The following ZNF721 variants were observed in gnomAD, a reference collection of about 807,000 sequenced individuals.
ZNF721 encodes zinc finger protein 721.
Under a neutral mutation model 2.4 loss-of-function variants are expected in ZNF721, and 2 were observed. The observed-to-expected ratio is 0.82, with a 90% CI of 0.34 to 2.58. ZNF721 has a LOEUF of 2.58. Among genes scored for constraint, ZNF721 ranks in the 30% most tolerant of loss-of-function variants. ZNF721 has a pLI of 0.11. For synonymous variants in ZNF721, 398 were observed against 381.8 expected, an observed-to-expected ratio of 1.04 and a Z score of -0.50; for missense variants, 1,187 against 1,085.5, an observed-to-expected ratio of 1.09 and a Z score of -1.31.
At chr4:494,893 ATTTT>A (rs34855684) in intron 1 of ZNF721, among the ~76,000 whole-genome samples, 1 of 139,382 alleles carries the variant, frequency 7.2e-6, no homozygotes. Context: ...CAGTGCACTT[ATTTT>A]TTTTTTTTTT....
At chr4:472,827 T>C (rs879977845) in intron 1 of ZNF721, 126 bp from the exon 2 acceptor site, 21 of 1,303,536 alleles carry the variant, frequency 1.6e-5, no homozygotes, top group Non-Finnish European at 1.9e-5. Context: ...AACACAGTAA[T>C]GTTCTCTAAA....
At chr4:493,313 AAC>A (rs1716072241) in intron 1 of ZNF721, among the ~76,000 whole-genome samples, 1 of 152,238 alleles carries the variant, frequency 6.6e-6, no homozygotes, top group Non-Finnish European at 1.5e-5. Context: ...CAAAGATGGT[AAC>A]AGTCCTTTCT....
intron 1 of ZNF721, among the ~76,000 whole-genome samples, chr4:475,747 T>C (rs1220688333): frequency 6.7e-6 from 1 of 149,744 alleles, no homozygotes; most frequent in Non-Finnish European, 1.5e-5. Flanking sequence ...TTAGTCCCAA[T>C]ATAGCTTCAA....
intron 1 of ZNF721, among the ~76,000 whole-genome samples, chr4:493,926 G>A (rs1040984220): frequency 1.3e-5 from 2 of 152,104 alleles, no homozygotes; most frequent in African/African-American, 4.8e-5. Flanking sequence ...ATGTCTGCTG[G>A]TAATTCTTAA....
chr4:448,028 A>G (rs879964999), intron 2 of ZNF721, among the ~76,000 whole-genome samples: 3 of 152,198 alleles, frequency 2.0e-5, no homozygotes, highest in Non-Finnish European at 2.9e-5. Flanking sequence ...ATTCATAAGG[A>G]AACAGGAGAC....
chr4:488,656 C>T (rs1312359868), intron 1 of ZNF721, among the ~76,000 whole-genome samples: 2 of 151,974 alleles, frequency 1.3e-5, no homozygotes, highest in Non-Finnish European at 2.9e-5. Flanking sequence ...ACTGTGAAAC[C>T]GCATCTCTAC....
chr4:488,312 G>T (rs1335079180), intron 1 of ZNF721, among the ~76,000 whole-genome samples: 1 of 152,160 alleles, frequency 6.6e-6, no homozygotes, highest in African/African-American at 2.4e-5. Flanking sequence ...GGTACATGTG[G>T]ATGTATGTGA....
At chr4:472,085 G>A (rs1046089286) in intron 2 of ZNF721, among the ~76,000 whole-genome samples, 3 of 151,944 alleles carry the variant, frequency 2.0e-5, no homozygotes, top group Admixed American at 6.6e-5. Context: ...TTTTTGAGAC[G>A]GAGTTTTGCT....
rs370563216 is a variant in ZNF721 at position 487,884 on chromosome 4, G to A, written c.-94+11172C>T. On this transcript the variant is annotated intron_variant, in intron 1 of 2. Transcript: ENST00000511833. ...ACCTCATCTACACCCGAGTAGCAAA[G>A]GATCGAAGGCGACTGTCACTACAAC... Among the ~76,000 whole-genome samples, 10 of 152,282 alleles carry A rather than the reference G, an allele frequency of 6.6e-5. No homozygotes were observed. The East Asian group carries it at 1.4e-3, about 21-fold the overall frequency.
chr4:450,937 C>CAA lies in ZNF721; in HGVS notation c.35-6507_35-6506dup, dbSNP rs781962651. Among the ~76,000 whole-genome samples, 44 of 26,504 alleles carry CAA rather than the reference C, an allele frequency of 1.7e-3. 1 individual carries two copies. The highest frequency in any genetic ancestry group is 5.5e-3 in the South Asian group (3 of 544). The allele number at this position is 26,504 out of a possible 152,430, so 17.4% of individuals were successfully genotyped here. A position where few individuals can be genotyped will look rare whatever the true frequency, so the allele number is the denominator to read the frequency against. On this transcript the variant is annotated intron_variant, in intron 2 of 2. Transcript: ENST00000511833. ...GGGCGACAGAGCAAGACTCTGTCTC[C>CAA]AAAAAAAAAAAAAAAAAAAATATAT...
chr4:453,812 C>T (rs1714751412), intron 2 of ZNF721: 1 of 152,228 alleles, frequency 6.6e-6, no homozygotes, highest in Non-Finnish European at 1.5e-5. Flanking sequence ...CCTGAACTTC[C>T]TATGACCAAA....
Position 487,441 on chromosome 4 carries a change from C to T in ZNF721, c.-94+11615G>A, listed in dbSNP as rs537673330. Reference sequence around the variant, plus strand: ...TAATTCACCAGCATCTGACCACTCACACCTGAAGGAGGCAAACTGAGCCCA... The same window carrying T: ...TAATTCACCAGCATCTGACCACTCATACCTGAAGGAGGCAAACTGAGCCCA... On this transcript the variant is annotated intron_variant, in intron 1 of 2. Transcript: ENST00000511833. Among the ~76,000 whole-genome samples, 15 of 152,336 alleles carry T rather than the reference C, an allele frequency of 9.8e-5. No individual in the cohort carries two copies. The South Asian group carries it at 2.9e-3, about 29-fold the overall frequency.
chr4:448,907 TCA>T lies in ZNF721; in HGVS notation c.35-4477_35-4476del, dbSNP rs200356958. ...TTGAAATATTAAAATGAAATATTAC[TCA>T]GTTTGTAAAAAGCAAAAATTAAGTA... On this transcript the variant is annotated intron_variant, in intron 2 of 2. Coordinates refer to ENST00000511833, the MANE Select transcript of ZNF721 (RefSeq NM_133474.4). Among the ~76,000 whole-genome samples the T allele has an allele frequency of 7.2e-3, 1,101 of 152,300 alleles. 9 individuals are homozygous for T. Among genetic ancestry groups the T allele is most frequent in the Middle Eastern group, 0.071 (21 of 294 alleles).
chr4:445,909 G>C (rs1260714940), intron 2 of ZNF721, among the ~76,000 whole-genome samples: 1 of 152,078 alleles, frequency 6.6e-6, no homozygotes, highest in African/African-American at 2.4e-5. Flanking sequence ...GATTACCAGT[G>C]AATCTGTCAA....
chr4:470,228 G>A (rs1715390209), intron 2 of ZNF721, among the ~76,000 whole-genome samples: 1 of 152,086 alleles, frequency 6.6e-6, no homozygotes. Context: ...AACTCAAAAT[G>A]AAACACTTAC....
intron 2 of ZNF721, among the ~76,000 whole-genome samples, chr4:456,655 C>T (rs1351210194): frequency 3.3e-5 from 5 of 152,050 alleles, no homozygotes; most frequent in Admixed American, 1.3e-4. Context: ...CCAATGTGGG[C>T]GGATCATGAG....
intron 1 of ZNF721, chr4:473,996 A>T: frequency 6.6e-7 from 1 of 1,504,924 alleles, no homozygotes; most frequent in Non-Finnish European, 9.0e-7. Context: ...CTCAGCTTCA[A>T]GGGTGTCGCG....
intron 1 of ZNF721, among the ~76,000 whole-genome samples, chr4:485,250 T>C (rs1238134962): frequency 6.6e-6 from 1 of 152,130 alleles, no homozygotes; most frequent in Non-Finnish European, 1.5e-5. Context: ...GTATTTATTC[T>C]TGCCCTGACC....
intron 2 of ZNF721, among the ~76,000 whole-genome samples, chr4:448,274 A>C (rs537356670): frequency 1.3e-5 from 2 of 151,966 alleles, no homozygotes; most frequent in Non-Finnish European, 2.9e-5. Flanking sequence ...GTCTCTACTA[A>C]AAATACAAAA....
Sources: gnomAD v4.1 joint callset for allele counts (sites outside exome capture counted in the v4.1 genomes callset) on GRCh38, gnomAD v4.1.1 for gene constraint, MANE v1.5 for transcripts, NCBI Gene and HGNC (gene_info 2026-07-23, HGNC 2026-07-21) for gene names.